Variants in FGF12 observed in about 807,000 individuals in gnomAD.
The protein encoded by FGF12 is fibroblast growth factor 12.
FGF12 carries 14 observed loss-of-function variants against 23.6 expected under a neutral mutation model. The observed-to-expected ratio is 0.59, with a 90% confidence interval of 0.39 to 0.93. The LOEUF (loss-of-function observed/expected upper bound fraction) is 0.93. Ranked by LOEUF, FGF12 falls within the 40% of genes least tolerant of loss-of-function variation. The pLI is 0.00. For missense variants in FGF12, 175 were observed against 217.8 expected, an observed-to-expected ratio of 0.80 and a Z score of 1.24; for synonymous variants, 62 against 77.3, an observed-to-expected ratio of 0.80 and a Z score of 1.04.
chr3:192,476,121 AC>A (rs1490157658), intron 2 of FGF12, among the ~76,000 whole-genome samples: 2 of 152,080 alleles, frequency 1.3e-5, no homozygotes, highest in Non-Finnish European at 2.9e-5. Context: ...CACCCGAAAG[AC>A]TTTCCATACA....
chr3:192,418,697 G>A (rs1721430468), intron 2 of FGF12, among the ~76,000 whole-genome samples: 1 of 152,078 alleles, frequency 6.6e-6, no homozygotes, highest in Non-Finnish European at 1.5e-5. Flanking sequence ...AGATCTGACT[G>A]TTTAAAAGTA....
intron 2 of FGF12, among the ~76,000 whole-genome samples, chr3:192,646,041 C>T (rs144561996): frequency 1.2e-3 from 176 of 152,126 alleles, no homozygotes; most frequent in African/African-American, 4.1e-3. Context: ...AAAATCACCC[C>T]AAGTGGGAAC....
intron 2 of FGF12, among the ~76,000 whole-genome samples, chr3:192,717,024 A>G (rs1476545093): frequency 6.6e-6 from 1 of 152,178 alleles, no homozygotes; most frequent in Non-Finnish European, 1.5e-5. Context: ...TCTTGAACCC[A>G]CCTGATAACA....
At chr3:192,196,713 G>A (rs564049574) in intron 4 of FGF12, among the ~76,000 whole-genome samples, 3 of 152,260 alleles carry the variant, frequency 2.0e-5, no homozygotes, top group African/African-American at 4.8e-5. Flanking sequence ...CAAGGTAGAC[G>A]TGACAGCATT....
chr3:192,460,035 G>A (rs1275141168), intron 2 of FGF12, among the ~76,000 whole-genome samples: 1 of 152,120 alleles, frequency 6.6e-6, no homozygotes, highest in East Asian at 1.9e-4. Context: ...ACAGACATAA[G>A]TACATTTACG....
At chr3:192,253,503 G>C (rs1712173624) in intron 4 of FGF12, among the ~76,000 whole-genome samples, 1 of 152,064 alleles carries the variant, frequency 6.6e-6, no homozygotes, top group African/African-American at 2.4e-5. Flanking sequence ...TTTAGCTTTA[G>C]TTAACAGTAA....
chr3:192,434,890 G>A (rs977556336), intron 2 of FGF12, among the ~76,000 whole-genome samples: 5 of 151,800 alleles, frequency 3.3e-5, no homozygotes, highest in African/African-American at 9.7e-5. Flanking sequence ...ATTTAATTGC[G>A]GTTAGCAGTA....
At chr3:192,162,261 C>T (rs1176112617) in intron 5 of FGF12, among the ~76,000 whole-genome samples, 1 of 152,094 alleles carries the variant, frequency 6.6e-6, no homozygotes, top group Non-Finnish European at 1.5e-5. Flanking sequence ...CCTTTTGGAA[C>T]TCTGGGAGAA....
chr3:192,521,718 C>T (rs896165216), intron 2 of FGF12, among the ~76,000 whole-genome samples: 2 of 152,088 alleles, frequency 1.3e-5, no homozygotes, highest in East Asian at 3.9e-4. Context: ...CCGCCTCCCC[C>T]AAAGCAGTCA....
chr3:192,396,591 T>G (rs1389480041), intron 2 of FGF12, among the ~76,000 whole-genome samples: 1 of 152,216 alleles, frequency 6.6e-6, no homozygotes, highest in Non-Finnish European at 1.5e-5. Context: ...GGCAGGTGTA[T>G]TGTAATGAGC....
chr3:192,490,665 G>A (rs1027336883), intron 2 of FGF12, among the ~76,000 whole-genome samples: 5 of 151,986 alleles, frequency 3.3e-5, no homozygotes, highest in Non-Finnish European at 5.9e-5. Context: ...GACATGAGTG[G>A]TAAAAAGGAT....
intron 5 of FGF12, among the ~76,000 whole-genome samples, chr3:192,156,659 C>T (rs1714442918): frequency 6.6e-6 from 1 of 152,118 alleles, no homozygotes; most frequent in South Asian, 2.1e-4. Context: ...GCCGCTTGCC[C>T]TCTTTCTATT....
At chr3:192,373,359 G>A (rs1258713598) in intron 2 of FGF12, among the ~76,000 whole-genome samples, 2 of 151,326 alleles carry the variant, frequency 1.3e-5, no homozygotes, top group Non-Finnish European at 2.9e-5. Context: ...GACTGTATTG[G>A]AAGAGTTCCG....
chr3:192,226,093 C>A (rs1041826912), intron 4 of FGF12, among the ~76,000 whole-genome samples: 2 of 152,074 alleles, frequency 1.3e-5, no homozygotes, highest in Non-Finnish European at 2.9e-5. Flanking sequence ...AGCTCCTCAC[C>A]ACCTGCAAAA....
At chr3:192,175,348 A>G (rs896950266) in intron 4 of FGF12, among the ~76,000 whole-genome samples, 2 of 151,768 alleles carry the variant, frequency 1.3e-5, no homozygotes, top group African/African-American at 4.8e-5. Context: ...TCTTTTTCCT[A>G]TAGTCTTGAG....
At chr3:192,323,951 G>A (rs187136320) in intron 4 of FGF12, among the ~76,000 whole-genome samples, 134 of 152,124 alleles carry the variant, frequency 8.8e-4, no homozygotes, top group Non-Finnish European at 1.8e-3. Flanking sequence ...AATTGGCTGG[G>A]TGTGGTGGTG....
In FGF12 at chr3:192,294,033, T is replaced by C. The variant is rs148711462; in HGVS notation, c.228+41328A>G. The stretch of plus-strand genomic sequence containing the variant: ...TGAATCATGGGGGTGGTTTCCCCCA[T>C]ACTGTTCTCATGGTAGTGAATAAAT... On this transcript the variant is annotated intron_variant, in intron 4 of 5. Transcript: ENST00000445105. 5.0e-4 allele frequency among the ~76,000 whole-genome samples: 76 copies of C among 152,286 alleles called. 1 individual carries two copies. The highest frequency in any genetic ancestry group is 1.8e-3 in the African/African-American group (73 of 41,560).
chr3:192,449,931 T>C (rs1480496946), intron 2 of FGF12, among the ~76,000 whole-genome samples: 6 of 151,694 alleles, frequency 4.0e-5, no homozygotes. Flanking sequence ...CTGCATCCTA[T>C]AGAATTCTTT....
intron 2 of FGF12, among the ~76,000 whole-genome samples, chr3:192,540,872 C>A (rs182721025): frequency 6.6e-6 from 1 of 152,060 alleles, no homozygotes; most frequent in East Asian, 1.9e-4. Context: ...GAATTGATTT[C>A]TTTATCATTA....
Sources: allele counts gnomAD v4.1 joint callset (sites outside exome capture counted in the v4.1 genomes callset), GRCh38; gene constraint gnomAD v4.1.1; transcripts MANE v1.5; gene names NCBI Gene and HGNC (gene_info 2026-07-23, HGNC 2026-07-21).